Variants in ARHGAP35 observed in about 807,000 individuals in gnomAD.
ARHGAP35 encodes the protein rho GTPase-activating protein 35.
In ARHGAP35, 15 loss-of-function variants were observed where a neutral mutation model predicts 111.1. The ratio of observed to expected loss-of-function variants is 0.13; its 90% CI spans 0.09 to 0.21. The LOEUF (loss-of-function observed/expected upper bound fraction) is 0.21. Among genes scored for constraint, ARHGAP35 ranks in the 10% least tolerant of loss-of-function variants. The pLI, the probability that ARHGAP35 is intolerant of heterozygous loss-of-function variation, is 1.00. For synonymous variants in ARHGAP35, 643 were observed against 710.3 expected (o/e 0.91, Z 1.51); for missense variants, 1,262 against 1,873.0 (o/e 0.67, Z 6.02).
At chr19:46,937,129 C>T (rs1049599425) in intron 2 of ARHGAP35, 135 bp from the exon 3 acceptor site, 5 of 1,109,780 alleles carry the variant, frequency 4.5e-6, no homozygotes, top group South Asian at 1.6e-5. Context: ...CATGAGTCAC[C>T]GTATCCAGCC....
rs1265863581 is a variant in ARHGAP35, at chr19:46,885,888, TC to T, written c.-189+24681del. Among the ~76,000 whole-genome samples the T allele has an allele frequency of 1.2e-4, 18 of 152,202 alleles. No individual in the cohort carries two copies. The East Asian group carries it at 3.3e-3, about 28-fold the overall frequency. On this transcript the variant is annotated intron_variant, in intron 1 of 6. Transcript: ENST00000672722. ...CTCAAGCAATCCTCCCGCCTCAGGC[TC>T]CTGAGTAGCTGGGGCTACAAGTGTG...
At chr19:46,869,176 G>A (rs571959980) in intron 1 of ARHGAP35, among the ~76,000 whole-genome samples, 1 of 151,964 alleles carries the variant, frequency 6.6e-6, no homozygotes, top group East Asian at 1.9e-4. Flanking sequence ...CAGAGTGCTG[G>A]GATTACAGGC....
chr19:46,871,364 A>G (rs917607636), intron 1 of ARHGAP35, among the ~76,000 whole-genome samples: 2 of 152,078 alleles, frequency 1.3e-5, no homozygotes, highest in Non-Finnish European at 2.9e-5. Flanking sequence ...GTTTTTTGAG[A>G]TGGAGTCTTG....
intron 5 of ARHGAP35, among the ~76,000 whole-genome samples, chr19:46,995,926 G>A (rs1350549903): frequency 6.6e-6 from 1 of 152,174 alleles, no homozygotes; most frequent in African/African-American, 2.4e-5. Context: ...AGGGCCTCTC[G>A]CCCTCCTTGA....
intron 1 of ARHGAP35, among the ~76,000 whole-genome samples, chr19:46,915,555 G>A (rs1370424002): frequency 2.0e-5 from 3 of 152,272 alleles, no homozygotes; most frequent in Non-Finnish European, 2.9e-5. Context: ...AGAATAATGC[G>A]TGGTGGTCTG....
intron 1 of ARHGAP35, among the ~76,000 whole-genome samples, chr19:46,873,770 C>T (rs1423110989): frequency 3.3e-5 from 5 of 149,302 alleles, no homozygotes; most frequent in Non-Finnish European, 7.4e-5. Flanking sequence ...TTTTTTGAGA[C>T]GGAGTTTTGC....
At chr19:46,978,971 G>C (rs949465445) in intron 3 of ARHGAP35, among the ~76,000 whole-genome samples, 1 of 127,324 alleles carries the variant, frequency 7.9e-6, no homozygotes, top group African/African-American at 3.0e-5. Context: ...TTGGTGGAAA[G>C]TGTGTGTGTG....
intron 1 of ARHGAP35, among the ~76,000 whole-genome samples, chr19:46,886,377 C>G (rs773912120): frequency 3.3e-5 from 5 of 152,104 alleles, no homozygotes; most frequent in African/African-American, 9.6e-5. Flanking sequence ...CTAGACTATG[C>G]TCCGTAAGGG....
At chr19:46,892,054 A>G (rs1337305745) in intron 1 of ARHGAP35, among the ~76,000 whole-genome samples, 1 of 142,670 alleles carries the variant, frequency 7.0e-6, no homozygotes, top group African/African-American at 2.6e-5. Context: ...TGGAAGGCCG[A>G]GGCAGGCAGA....
chr19:46,960,964 G>A (rs2056478555), intron 3 of ARHGAP35, among the ~76,000 whole-genome samples: 1 of 149,826 alleles, frequency 6.7e-6, no homozygotes, highest in Non-Finnish European at 1.5e-5. Context: ...GCGCAATCTC[G>A]GCTCACTGCA....
chr19:46,900,469 C>T (rs1036086801), intron 1 of ARHGAP35, among the ~76,000 whole-genome samples: 4 of 152,204 alleles, frequency 2.6e-5, no homozygotes, highest in African/African-American at 9.6e-5. Context: ...GATCCGCCCA[C>T]CTTGGCCTCC....
At chr19:46,872,427 T>G (rs1280127435) in intron 1 of ARHGAP35, among the ~76,000 whole-genome samples, 13 of 146,918 alleles carry the variant, frequency 8.8e-5, no homozygotes, top group Admixed American at 8.8e-4. Flanking sequence ...TTAAACAAGT[T>G]TTTTTTTTTT....
intron 3 of ARHGAP35, among the ~76,000 whole-genome samples, chr19:46,939,340 T>C (rs2056330824): frequency 6.6e-6 from 1 of 151,878 alleles, no homozygotes; most frequent in Non-Finnish European, 1.5e-5. Flanking sequence ...CTATAAAATG[T>C]TTGAAAGTTG....
intron 3 of ARHGAP35, among the ~76,000 whole-genome samples, chr19:46,953,220 A>G (rs759317399): frequency 6.6e-6 from 1 of 152,230 alleles, no homozygotes; most frequent in African/African-American, 2.4e-5. Flanking sequence ...AAGAAGTAAA[A>G]TGTAAAGAAC....
At chr19:46,876,704 C>T (rs112447354) in intron 1 of ARHGAP35, among the ~76,000 whole-genome samples, 39 of 151,620 alleles carry the variant, frequency 2.6e-4, no homozygotes, top group African/African-American at 7.3e-4. Flanking sequence ...GACGGGGACT[C>T]GCTGTGTTGC....
In ARHGAP35 at chr19:46,922,097, G is replaced by A. The variant is rs1568468654; in HGVS notation, c.3422G>A (p.Ser1141Asn). The A allele has an allele frequency of 1.9e-6, 3 of 1,614,050 alleles. No homozygotes were observed. Among genetic ancestry groups the A allele is most frequent in the Non-Finnish European group, 2.5e-6 (3 of 1,179,900 alleles). Residue 1141 changes from serine (S) to asparagine (N), a missense_variant, in exon 2 of 7, where the codon AGC (serine) becomes AAC (asparagine). By Grantham distance (46) the Ser-to-Asn change is conservative. Coordinates refer to ENST00000672722, the MANE Select transcript of ARHGAP35 (RefSeq NM_004491.5). This position sits in a 1 kb window ranked among gnomAD's most constrained non-coding sequence, Gnocchi z 4.0. ...GNGSDSEMDT[S>N]SLERGRKVSI... ...GGTTCTGACAGTGAAATGGACACCA[G>A]CTCTCTAGAGCGAGGGCGCAAGGTT...
intron 2 of ARHGAP35, among the ~76,000 whole-genome samples, chr19:46,931,778 C>T (rs150647147): frequency 1.0e-3 from 156 of 152,260 alleles, no homozygotes; most frequent in African/African-American, 3.6e-3. Context: ...GGGGAAAGAG[C>T]ATGGGGCTTT....
chr19:46,871,008 T>C (rs1483916016), intron 1 of ARHGAP35, among the ~76,000 whole-genome samples: 1 of 152,226 alleles, frequency 6.6e-6, no homozygotes, highest in Non-Finnish European at 1.5e-5. Context: ...AGAGTCTCTA[T>C]ATAAGGCACT....
At chr19:46,972,946 A>C (rs183766967) in intron 3 of ARHGAP35, among the ~76,000 whole-genome samples, 4 of 152,344 alleles carry the variant, frequency 2.6e-5, no homozygotes, top group Admixed American at 2.0e-4. Context: ...AGAGCAATGG[A>C]AACAGGCAGA....
Sources: gnomAD v4.1 joint callset for allele counts (sites outside exome capture counted in the v4.1 genomes callset) on GRCh38, gnomAD v4.1.1 for gene constraint, Gnocchi (gnomAD v3.1) non-coding constraint, MANE v1.5 for transcripts, NCBI Gene and HGNC (gene_info 2026-07-23, HGNC 2026-07-21) for gene names.